Variants in SIRPB2 observed in about 807,000 individuals in gnomAD.
SIRPB2 encodes signal-regulatory protein beta-2.
In SIRPB2, 18 loss-of-function variants were observed where a neutral mutation model predicts 27.1. The ratio of observed to expected loss-of-function variants is 0.66; its 90% CI spans 0.46 to 0.98. The LOEUF (loss-of-function observed/expected upper bound fraction) is 0.98. SIRPB2 is among the 50% of genes least tolerant of loss of function. The probability of loss-of-function intolerance (pLI) is 0.00; values close to 1 mark genes in which losing one functional copy is unlikely to be tolerated. For missense variants in SIRPB2, 420 were observed against 417.4 expected, an observed-to-expected ratio of 1.01 and a Z score of -0.06; for synonymous variants, 150 against 164.6, an observed-to-expected ratio of 0.91 and a Z score of 0.68.
In SIRPB2 at chr20:1,476,211, C is replaced by T; in HGVS notation, c.985G>A (p.Ala329Thr). The T allele has an allele frequency of 6.2e-7, 1 of 1,614,136 alleles. No homozygotes were observed. Residue 329 changes from alanine to threonine, a missense_variant, in exon 5 of 5, where the codon GCA becomes ACA. Coordinates refer to ENST00000359801, the MANE Select transcript of SIRPB2 (RefSeq NM_001122962.2). Reference protein sequence around the residue: ...GQEDVKTTGPAGAMNTLAWSK... With the variant: ...GQEDVKTTGPTGAMNTLAWSK... ...CATGCTAAGGTGTTCATGGCTCCTG[C>T]TGGGCCTGTGGTCTTGACATCTTCT... is the stretch of plus-strand genomic sequence containing the variant.
chr20:1,485,432 A>T (rs781643070), intron 1 of SIRPB2, among the ~76,000 whole-genome samples: 38 of 152,208 alleles, frequency 2.5e-4, no homozygotes, highest in Non-Finnish European at 4.9e-4. Context: ...AAATGAAAAC[A>T]TAATATAAAA....
At position 1,476,017 on chromosome 20, in the gene SIRPB2, T is replaced by G; in HGVS notation, c.*150A>C. On this transcript the variant is annotated 3_prime_UTR_variant, in exon 5 of 5. Transcript: ENST00000359801. ...GGAAGCCCGGTGCAAAGAAGGGAAT[T>G]TCACTAGGTGGACCAAAACCAGATG... 1 of 830,932 alleles carries G rather than the reference T, an allele frequency of 1.2e-6. No homozygotes were observed. Among genetic ancestry groups the G allele is most frequent in the Non-Finnish European group, 1.9e-6 (1 of 537,698 alleles). 51.5% of individuals were successfully genotyped at this position (830,932 alleles called of 1,614,324 possible).
In SIRPB2 at chr20:1,475,948, G is replaced by C. The variant is rs1245899516; in HGVS notation, c.*219C>G. On this transcript the variant is annotated 3_prime_UTR_variant, in exon 5 of 5. Coordinates refer to ENST00000359801, the MANE Select transcript of SIRPB2 (RefSeq NM_001122962.2). The stretch of plus-strand genomic sequence containing the variant: ...ACTGAGCCAGGGACTGAAAAGCAAG[G>C]AGGTCTTGAACAGGCCAAAAAGAGA... 2 of 513,758 alleles carry C rather than the reference G, an allele frequency of 3.9e-6. No homozygotes were observed. The highest frequency in any genetic ancestry group is 6.8e-6 in the Non-Finnish European group (2 of 293,066). 31.8% of individuals were successfully genotyped at this position (513,758 alleles called of 1,614,324 possible).
downstream of SIRPB2, among the ~76,000 whole-genome samples, chr20:1,471,414 T>A (rs1160621963): frequency 1.3e-5 from 2 of 152,224 alleles, no homozygotes; most frequent in African/African-American, 2.4e-5. Context: ...ATGTAATATG[T>A]TAATACAATG....
intron 1 of SIRPB2, among the ~76,000 whole-genome samples, chr20:1,485,135 A>G (rs996396464): frequency 7.9e-5 from 12 of 152,146 alleles, no homozygotes; most frequent in African/African-American, 1.4e-4. Flanking sequence ...GGGTACAAAC[A>G]TACAGTTAGA....
intron 1 of SIRPB2, among the ~76,000 whole-genome samples, chr20:1,487,323 G>A (rs1228500723): frequency 6.6e-6 from 1 of 152,064 alleles, no homozygotes; most frequent in Admixed American, 6.6e-5. Flanking sequence ...AAATAGAGAG[G>A]TACACACTGT....
intron 3 of SIRPB2, among the ~76,000 whole-genome samples, 195 bp from the exon 4 acceptor site, chr20:1,477,598 T>C (rs2090619095): frequency 1.3e-5 from 2 of 152,238 alleles, no homozygotes; most frequent in Admixed American, 1.3e-4. Flanking sequence ...ACCTGTCTAA[T>C]TCATTGCAGT....
intron 1 of SIRPB2, among the ~76,000 whole-genome samples, chr20:1,482,023 T>G (rs139810465): frequency 1.2e-4 from 18 of 152,226 alleles, no homozygotes; most frequent in African/African-American, 4.1e-4. Context: ...CAGAAAGAAG[T>G]GTTCTGGTCC....
Position 1,476,144 on chromosome 20 carries a change from G to T in SIRPB2, c.*23C>A, listed in dbSNP as rs747527007. 1.1e-5 allele frequency: 18 copies of T among 1,607,844 alleles called. No individual in the cohort carries two copies. In the East Asian group the frequency reaches 2.5e-4, roughly 22 times the overall value. On this transcript the variant is annotated 3_prime_UTR_variant, in exon 5 of 5. Transcript: ENST00000359801. The stretch of plus-strand genomic sequence containing the variant: ...CCCTGGCTCCTCTCCAACTCAGAGG[G>T]TCCTCACTCTGGGGCTGACCCCTCA...
chr20:1,471,501 A>G (rs939767433), downstream of SIRPB2, among the ~76,000 whole-genome samples: 3 of 152,284 alleles, frequency 2.0e-5, no homozygotes, highest in African/African-American at 7.2e-5. Context: ...ATGTTGAGTC[A>G]GAAAGCAAGG....
chr20:1,481,819 A>G (rs1424818511), intron 1 of SIRPB2, among the ~76,000 whole-genome samples: 1 of 152,166 alleles, frequency 6.6e-6, no homozygotes, highest in Non-Finnish European at 1.5e-5. Context: ...ACATTATTTG[A>G]GCTAGTCAGA....
chr20:1,491,388 GGC>G lies in SIRPB2; in HGVS notation c.-31_-30del. The G allele has an allele frequency of 6.3e-7, 1 of 1,591,460 alleles. No individual in the cohort carries two copies. Among genetic ancestry groups the G allele is most frequent in the Admixed American group, 1.8e-5 (1 of 55,532 alleles). On this transcript the variant is annotated 5_prime_UTR_variant, in exon 1 of 5. Transcript: ENST00000359801. ...ATCTTCTGTGGTCCCCAAGACTTGG[GGC>G]TCCTCTGCTCTCTTGTGAGTGTTGG...
intron 1 of SIRPB2, among the ~76,000 whole-genome samples, chr20:1,489,317 A>G (rs2090755699): frequency 6.6e-6 from 1 of 152,254 alleles, no homozygotes. Flanking sequence ...AAAACTTATC[A>G]AATTGTGTAC....
At chr20:1,491,118 G>C (rs2090772925) in intron 1 of SIRPB2, among the ~76,000 whole-genome samples, 157 bp downstream of exon 1, 1 of 152,170 alleles carries the variant, frequency 6.6e-6, no homozygotes, top group African/African-American at 2.4e-5. Context: ...TGGGACACTG[G>C]GGGTGCCCTC....
intron 3 of SIRPB2, 27 bp downstream of exon 3, chr20:1,478,239 C>T (rs780053067): frequency 5.6e-6 from 9 of 1,600,740 alleles, no homozygotes; most frequent in African/African-American, 1.3e-5. Context: ...TCCGCTCTCC[C>T]GACAAGTCCA....
intron 1 of SIRPB2, 87 bp from the exon 2 acceptor site, chr20:1,480,152 G>C: frequency 6.8e-7 from 1 of 1,474,102 alleles, no homozygotes; most frequent in Non-Finnish European, 9.0e-7. Flanking sequence ...ACCATTATCT[G>C]GCCAAGAACA....
intron 1 of SIRPB2, among the ~76,000 whole-genome samples, chr20:1,486,548 A>T (rs1039190981): frequency 6.6e-6 from 1 of 152,206 alleles, no homozygotes; most frequent in African/African-American, 2.4e-5. Flanking sequence ...ATAGATAAAA[A>T]ATTTTACACA....
chr20:1,486,080 T>G (rs1274048827), intron 1 of SIRPB2, among the ~76,000 whole-genome samples: 1 of 144,190 alleles, frequency 6.9e-6, no homozygotes, highest in African/African-American at 2.5e-5. Flanking sequence ...TCTTTTCTTT[T>G]TTTTTTTTTT....
downstream of SIRPB2, chr20:1,473,781 G>A (rs958983562): frequency 4.4e-6 from 2 of 455,686 alleles, no homozygotes; most frequent in Non-Finnish European, 8.8e-6. Flanking sequence ...GCAAGGGCAG[G>A]TGGGACCCAC....
Sources: gnomAD v4.1 joint callset for allele counts (sites outside exome capture counted in the v4.1 genomes callset) on GRCh38, gnomAD v4.1.1 for gene constraint, MANE v1.5 for transcripts, NCBI Gene and HGNC (gene_info 2026-07-23, HGNC 2026-07-21) for gene names.